Variants in BRD10 observed in about 807,000 individuals in gnomAD.
BRD10 encodes the protein bromodomain containing 10.
the BRD10 span, among the ~76,000 whole-genome samples, chr9:5,900,731 A>G: frequency 1.3e-5 from 2 of 152,248 alleles, no homozygotes; most frequent in South Asian, 2.1e-4. Flanking sequence ...AGCCCTGGAA[A>G]ACATCTTTTG....
At chr9:5,917,101 T>C in the BRD10 span, among the ~76,000 whole-genome samples, 1 of 152,190 alleles carries the variant, frequency 6.6e-6, no homozygotes, top group Non-Finnish European at 1.5e-5. Flanking sequence ...CAAATATACA[T>C]TGAATACAGT....
At chr9:5,941,856 T>G in the BRD10 span, among the ~76,000 whole-genome samples, 5 of 152,252 alleles carry the variant, frequency 3.3e-5, no homozygotes, top group East Asian at 9.6e-4. Flanking sequence ...CCCTGCTGCT[T>G]TTCTACTTTG....
At chr9:5,929,461 A>C in the BRD10 span, among the ~76,000 whole-genome samples, 1 of 152,166 alleles carries the variant, frequency 6.6e-6, no homozygotes, top group Non-Finnish European at 1.5e-5. Flanking sequence ...TATATGTAAA[A>C]ACACAAACAT....
the BRD10 span, among the ~76,000 whole-genome samples, chr9:5,905,537 T>C: frequency 6.6e-6 from 1 of 152,186 alleles, no homozygotes; most frequent in Admixed American, 6.5e-5. Context: ...TATAATGTGG[T>C]ATACTTTCCA....
At chr9:5,933,090 A>AT in the BRD10 span, among the ~76,000 whole-genome samples, 402 of 152,316 alleles carry the variant, frequency 2.6e-3, 1 homozygote, top group Non-Finnish European at 4.9e-3. Context: ...AATGGCAGAT[A>AT]GATAATTTAG....
the BRD10 span, chr9:5,924,539 C>A: frequency 1.8e-6 from 1 of 557,672 alleles, no homozygotes; most frequent in East Asian, 3.0e-5. Context: ...TTCTTCAAAA[C>A]ATAACAGATT....
the BRD10 span, chr9:5,909,930 A>G: frequency 6.6e-6 from 1 of 152,250 alleles, no homozygotes; most frequent in Non-Finnish European, 1.5e-5. Flanking sequence ...CAGGCAGCTC[A>G]TTTAAACTTT....
At chr9:5,992,540 C>G in the BRD10 span, among the ~76,000 whole-genome samples, 1 of 150,246 alleles carries the variant, frequency 6.7e-6, no homozygotes, top group Non-Finnish European at 1.5e-5. Flanking sequence ...TGCAAAAAAA[C>G]ACACTAAAAT....
At chr9:5,914,106 A>G in the BRD10 span, 1 of 435,402 alleles carries the variant, frequency 2.3e-6, no homozygotes, top group Non-Finnish European at 4.6e-6. Flanking sequence ...AAAGTTGACT[A>G]AAGCAGTTTA....
At chr9:5,979,962 C>T in the BRD10 span, among the ~76,000 whole-genome samples, 31 of 148,018 alleles carry the variant, frequency 2.1e-4, no homozygotes, top group African/African-American at 7.0e-4. Context: ...TTGCAGTGAG[C>T]CAGGACTGCA....
At chr9:5,988,876 G>A in the BRD10 span, among the ~76,000 whole-genome samples, 2 of 152,058 alleles carry the variant, frequency 1.3e-5, no homozygotes, top group Non-Finnish European at 2.9e-5. Context: ...ACGAGAAAAT[G>A]TACAATAATA....
chr9:5,920,123 T>G, the BRD10 span: 2 of 1,613,920 alleles, frequency 1.2e-6, no homozygotes, highest in Non-Finnish European at 1.7e-6. Context: ...TCTTAGAGGA[T>G]GTTGTAGAGG....
the BRD10 span, among the ~76,000 whole-genome samples, chr9:5,962,605 A>T: frequency 1.8e-5 from 1 of 54,698 alleles, no homozygotes; most frequent in Non-Finnish European, 4.0e-5. Flanking sequence ...GACACAACCA[A>T]AAAAGAGAAT....
At chr9:5,999,701 C>T in the BRD10 span, among the ~76,000 whole-genome samples, 2 of 152,192 alleles carry the variant, frequency 1.3e-5, no homozygotes, top group Non-Finnish European at 2.9e-5. Context: ...CCTAGCTACA[C>T]ACAGTAGCTC....
chr9:5,972,194 G>T, the BRD10 span, among the ~76,000 whole-genome samples: 1 of 152,114 alleles, frequency 6.6e-6, no homozygotes, highest in Non-Finnish European at 1.5e-5. Flanking sequence ...TAAGATATTA[G>T]GAGGGATAGG....
At chr9:5,948,643 A>G in the BRD10 span, among the ~76,000 whole-genome samples, 1 of 152,172 alleles carries the variant, frequency 6.6e-6, no homozygotes, top group African/African-American at 2.4e-5. Context: ...AAAAAAGGAC[A>G]TAAGGTAACA....
chr9:5,915,956 A>G, the BRD10 span, among the ~76,000 whole-genome samples: 1 of 152,172 alleles, frequency 6.6e-6, no homozygotes, highest in Non-Finnish European at 1.5e-5. Context: ...TTGATTCTCT[A>G]ATACTTCTTC....
the BRD10 span, among the ~76,000 whole-genome samples, chr9:5,931,133 C>T: frequency 3.3e-5 from 5 of 152,114 alleles, no homozygotes; most frequent in African/African-American, 7.2e-5. Flanking sequence ...AATTCCTCAC[C>T]GGGAGTTACA....
At chr9:5,922,200 T>G in the BRD10 span, 3 of 1,613,980 alleles carry the variant, frequency 1.9e-6, no homozygotes, top group Admixed American at 5.0e-5. Flanking sequence ...AGCTCTTGCT[T>G]TGCTTCAGAA....
Sources: gnomAD v4.1 joint callset for allele counts (sites outside exome capture counted in the v4.1 genomes callset) on GRCh38, gnomAD v4.1.1 for gene constraint, MANE v1.5 for transcripts, NCBI Gene and HGNC (gene_info 2026-07-23, HGNC 2026-07-21) for gene names.